The following MLPH variants were observed in gnomAD, a reference collection of about 807,000 sequenced individuals.
MLPH encodes the protein exophilin-3.
In MLPH, 51 loss-of-function variants were observed where a neutral mutation model predicts 72.1. The ratio of observed to expected loss-of-function variants is 0.71; its 90% CI spans 0.56 to 0.89. MLPH has a LOEUF of 0.89. Among genes scored for constraint, MLPH ranks in the 40% least tolerant of loss-of-function variants. The probability of loss-of-function intolerance (pLI) is 0.00; values close to 1 mark genes in which losing one functional copy is unlikely to be tolerated. For synonymous variants in MLPH, 301 were observed against 310.1 expected (o/e 0.97, Z 0.31); for missense variants, 743 against 759.9 (o/e 0.98, Z 0.26).
At chr2:237,488,083 G>A (rs375733470) in intron 1 of MLPH, among the ~76,000 whole-genome samples, 7 of 152,164 alleles carry the variant, frequency 4.6e-5, no homozygotes, top group African/African-American at 7.2e-5. Flanking sequence ...TCCCTTCCCC[G>A]GGCTTAGACA....
chr2:237,497,020 G>C (rs991338988), intron 2 of MLPH, among the ~76,000 whole-genome samples: 1 of 152,186 alleles, frequency 6.6e-6, no homozygotes, highest in African/African-American at 2.4e-5. Context: ...GTGAGGGGCT[G>C]GGGGAGGAGG....
At chr2:237,545,635 G>T in intron 12 of MLPH, 1 of 1,282,316 alleles carries the variant, frequency 7.8e-7, no homozygotes, top group South Asian at 1.3e-5. Context: ...CACATCAGAG[G>T]AGCTGCTCAC....
intron 10 of MLPH, 83 bp downstream of exon 10, chr2:237,540,616 C>A (rs960254814): frequency 2.8e-5 from 43 of 1,526,002 alleles, no homozygotes; most frequent in Non-Finnish European, 3.6e-5. Context: ...AGCCACCCTC[C>A]CCAGGGAGGC....
chr2:237,494,615 G>A (rs1184143662), intron 2 of MLPH, among the ~76,000 whole-genome samples: 2 of 152,224 alleles, frequency 1.3e-5, no homozygotes, highest in African/African-American at 4.8e-5. Flanking sequence ...TCCAGGGTGA[G>A]AGGGATCAAG....
At position 237,510,688 on chromosome 2, in the gene MLPH, G is replaced by A; in HGVS notation, c.225G>A (p.Val75=). The A allele has an allele frequency of 6.2e-7, 1 of 1,613,818 alleles. No individual in the cohort carries two copies. The highest frequency in any genetic ancestry group is 1.1e-5 in the South Asian group (1 of 91,082). Residue 75 remains valine (V), a synonymous_variant, in exon 3 of 16, where the codon GTG becomes GTA. Transcript: ENST00000264605. The surrounding 1 kb of genome is among the most constrained non-coding windows in gnomAD (Gnocchi z 4.4). ...GCCTGCAGCCCTACCAGCTGCTTGT[G>A]AATAGCAAAAGGCAGTGCCTGGAAT... ...ARCLQPYQLL[V]NSKRQCLECG...
upstream of MLPH, chr2:237,487,143 C>G (rs971592483): frequency 1.7e-4 from 25 of 150,332 alleles, no homozygotes; most frequent in African/African-American, 5.6e-4. Context: ...GTGTCCGTTC[C>G]GTTCCGCCCT....
chr2:237,519,945 C>T lies in MLPH; in HGVS notation c.591C>T (p.Phe197=), dbSNP rs766524828. ...TCCTCTCCGTCCACGACTTCGACTT[C>T]GAGGGAGACTCAGATGACTCCACTC... is the stretch of plus-strand genomic sequence containing the variant. ...KRLLSVHDFD[F]EGDSDDSTQP... is the part of the protein sequence containing the mutation. Residue 197 remains phenylalanine (F), a synonymous_variant, in exon 6 of 16, where the codon TTC becomes TTT. Transcript: ENST00000264605. 6.2e-6 allele frequency: 10 copies of T among 1,614,024 alleles called. No individual in the cohort carries two copies. The highest frequency in any genetic ancestry group is 4.5e-5 in the East Asian group (2 of 44,876).
At chr2:237,545,608 G>A (rs758309113) in intron 12 of MLPH, 86 of 1,286,250 alleles carry the variant, frequency 6.7e-5, no homozygotes, top group African/African-American at 1.7e-4. Context: ...TGACTAGAAC[G>A]GAGGGCGCGG....
intron 2 of MLPH, among the ~76,000 whole-genome samples, chr2:237,495,281 A>C (rs2079512461): frequency 6.6e-6 from 1 of 152,180 alleles, no homozygotes; most frequent in Non-Finnish European, 1.5e-5. Flanking sequence ...CAGGATCCTT[A>C]ATGTCATTCC....
Position 237,510,980 on chromosome 2 carries a change from T to A in MLPH, c.333-9T>A. 6.2e-7 allele frequency: 1 copy of A among 1,611,642 alleles called. No homozygotes were observed. The highest frequency in any genetic ancestry group is 8.5e-7 in the Non-Finnish European group (1 of 1,177,976). On this transcript the variant is annotated splice_polypyrimidine_tract_variant and intron_variant, in intron 3 of 15. Transcript: ENST00000264605. This position sits in a 1 kb window ranked among gnomAD's most constrained non-coding sequence, Gnocchi z 4.4. ...AGGCAGTGCCATGAGCCTGTGCTTG[T>A]CCCTGCAGAGTCGTGAAGATCGGCT...
chr2:237,490,756 C>A (rs963104586), intron 1 of MLPH, among the ~76,000 whole-genome samples: 3 of 152,016 alleles, frequency 2.0e-5, no homozygotes, highest in African/African-American at 7.3e-5. Flanking sequence ...TGTTCCAATT[C>A]TTTAGAAACC....
chr2:237,525,250 C>T (rs982073538), intron 6 of MLPH, among the ~76,000 whole-genome samples: 1 of 152,300 alleles, frequency 6.6e-6, no homozygotes, highest in East Asian at 1.9e-4. Flanking sequence ...AACTTCCCTG[C>T]CCACGTCCTC....
At chr2:237,506,474 C>T (rs12469812) in intron 2 of MLPH, among the ~76,000 whole-genome samples, 15,077 of 152,166 alleles carry the variant, frequency 0.099, 907 homozygotes, top group East Asian at 0.21. Context: ...CCAAGTTCCT[C>T]GAGTGAGCAA....
chr2:237,552,879 T>C (rs141617253), intron 15 of MLPH, among the ~76,000 whole-genome samples: 11 of 152,336 alleles, frequency 7.2e-5, no homozygotes, highest in African/African-American at 2.4e-4. Flanking sequence ...ACTGTGTGCA[T>C]GCCTGTGTGT....
In MLPH at chr2:237,546,717, G is replaced by A. The variant is rs775163718; in HGVS notation, c.1617+34G>A. On this transcript the variant is annotated intron_variant, in intron 13 of 15. Coordinates refer to ENST00000264605, the MANE Select transcript of MLPH (RefSeq NM_024101.7). ...TACTCCATTCAAGCCCCAGACACCC[G>A]ACAAAGGTGGAAGACTGCACCCCTT... 41 of 1,574,694 alleles carry A rather than the reference G, an allele frequency of 2.6e-5. 1 individual carries two copies. Among genetic ancestry groups the A allele is most frequent in the South Asian group, 8.9e-5 (8 of 90,308 alleles).
chr2:237,534,134 T>C (rs1329525752), intron 8 of MLPH, among the ~76,000 whole-genome samples: 1 of 152,226 alleles, frequency 6.6e-6, no homozygotes, highest in Non-Finnish European at 1.5e-5. Flanking sequence ...GTGCCTTGCC[T>C]CCTAGCCCAC....
chr2:237,553,352 AGTC>A (rs930265878), intron 15 of MLPH: 2 of 645,970 alleles, frequency 3.1e-6, no homozygotes, highest in Admixed American at 2.1e-5. Context: ...AGTTCTAGGA[AGTC>A]AGCACGAATT....
In MLPH at chr2:237,510,924, T is replaced by A. The variant is rs1017556471; in HGVS notation, c.333-65T>A. On this transcript the variant is annotated intron_variant, in intron 3 of 15. Transcript: ENST00000264605. This position sits in a 1 kb window ranked among gnomAD's most constrained non-coding sequence, Gnocchi z 4.4. ...TCGTGTGTGTGTGTGTGTGTGTGTG[T>A]GAGATTTATGCAGGCCTGTGTACAG... The A allele has an allele frequency of 5.5e-5, 80 of 1,452,328 alleles. No homozygotes were observed. In the African/African-American group the frequency reaches 5.7e-4, roughly 10 times the overall value. The allele number at this position is 1,452,328 out of a possible 1,614,324, so 90.0% of individuals were successfully genotyped here.
intron 8 of MLPH, among the ~76,000 whole-genome samples, chr2:237,532,274 G>C (rs1364045543): frequency 6.6e-6 from 1 of 152,254 alleles, no homozygotes; most frequent in Non-Finnish European, 1.5e-5. Flanking sequence ...TGAGGGGTCA[G>C]GCAGCTGTGC....
Sources: gnomAD v4.1 joint callset for allele counts (sites outside exome capture counted in the v4.1 genomes callset) on GRCh38, gnomAD v4.1.1 for gene constraint, Gnocchi (gnomAD v3.1) non-coding constraint, MANE v1.5 for transcripts, NCBI Gene and HGNC (gene_info 2026-07-23, HGNC 2026-07-21) for gene names.